The following CD22 variants were observed in gnomAD, a reference collection of about 807,000 sequenced individuals.
CD22 encodes the protein B-cell receptor CD22.
In CD22, 51 loss-of-function variants were observed where a neutral mutation model predicts 94.7. The ratio of observed to expected loss-of-function variants is 0.54; its 90% CI spans 0.43 to 0.68. The LOEUF (loss-of-function observed/expected upper bound fraction) is 0.68. Ranked by LOEUF, CD22 falls within the 30% of genes least tolerant of loss-of-function variation. The probability of loss-of-function intolerance (pLI) is 0.00; values close to 1 mark genes in which losing one functional copy is unlikely to be tolerated. For missense variants in CD22, 931 were observed against 1,060.4 expected, an observed-to-expected ratio of 0.88 and a Z score of 1.69; for synonymous variants, 424 against 422.5, an observed-to-expected ratio of 1.00 and a Z score of -0.04.
chr19:35,343,591 A>C (rs1190099196), intron 9 of CD22, among the ~76,000 whole-genome samples: 1 of 152,152 alleles, frequency 6.6e-6, no homozygotes, highest in Non-Finnish European at 1.5e-5. Context: ...AGAGTGTCTA[A>C]AGTCTGGAGG....
chr19:35,338,154 G>GC lies in CD22; in HGVS notation c.986-9dup, dbSNP rs1254828058. The GC allele has an allele frequency of 6.2e-7, 1 of 1,601,890 alleles. No homozygotes were observed. The highest frequency in any genetic ancestry group is 8.5e-7 in the Non-Finnish European group (1 of 1,172,814). ...TCTCCTCACCCCTCCACTCGCCTCT[G>GC]CCCCCTCTTCCAGATGCCCCGGAAC... is the stretch of plus-strand genomic sequence containing the variant. On this transcript the variant is annotated splice_polypyrimidine_tract_variant and intron_variant, in intron 5 of 13. Transcript: ENST00000085219.
rs916498405 is a variant in CD22, at chr19:35,346,660, C to G, written c.2507C>G (p.Ala836Gly). ...TTTGGGGTCGGGGAGCGGCCTCAGG[C>G]ACAAGAAAATGTGGACTATGTGATC... Reference protein sequence around the residue: ...IQFGVGERPQAQENVDYVILK... With the variant: ...IQFGVGERPQGQENVDYVILK... Residue 836 changes from alanine (A) to glycine (G), a missense_variant, in exon 14 of 14, where the codon GCA (alanine) becomes GGA (glycine). By Grantham distance (60) the Ala-to-Gly change is moderately conservative (BLOSUM62 0). Coordinates refer to ENST00000085219, the MANE Select transcript of CD22 (RefSeq NM_001771.4). The G allele has an allele frequency of 2.5e-6, 4 of 1,609,480 alleles. No homozygotes were observed. The highest frequency in any genetic ancestry group is 3.4e-6 in the Non-Finnish European group (4 of 1,177,940).
At chr19:35,346,304 G>A (rs2066906724) in intron 13 of CD22, 69 bp downstream of exon 13, 1 of 1,372,718 alleles carries the variant, frequency 7.3e-7, no homozygotes, top group South Asian at 1.2e-5. Context: ...TGGCCTCAGT[G>A]GTGGGTCCCA....
Position 35,341,012 on chromosome 19 carries a change from G to T in CD22, c.1381G>T (p.Ala461Ser). ...CCGGTATGAATGGAAACCCCATGGC[G>T]CCTGGGAGGAGCCATCGCTTGGGGT... ...VTRYEWKPHG[A>S]WEEPSLGVLK... The change falls in exon 7 of 14, where the codon GCC (alanine) becomes TCC (serine). Residue 461 changes from alanine to serine, a missense_variant. Transcript: ENST00000085219. The surrounding 1 kb of genome is among the most constrained non-coding windows in gnomAD (Gnocchi z 4.0). 6.2e-7 allele frequency: 1 copy of T among 1,614,184 alleles called. No homozygotes were observed.
At chr19:35,345,851 C>T (rs957931183) in intron 12 of CD22, 131 bp downstream of exon 12, 15 of 711,086 alleles carry the variant, frequency 2.1e-5, no homozygotes, top group African/African-American at 8.8e-5. Context: ...CATTCCCACT[C>T]GGCAACAAGC....
At chr19:35,331,713 G>A in intron 1 of CD22, 1 of 303,370 alleles carries the variant, frequency 3.3e-6, no homozygotes, top group Non-Finnish European at 6.3e-6. Context: ...GCCAGGCGTG[G>A]TGGCACCTGC....
Position 35,346,800 on chromosome 19 carries a change from G to GCACA in CD22, c.*117_*120dup. The GCACA allele has an allele frequency of 9.9e-6, 9 of 907,846 alleles. No homozygotes were observed. Among genetic ancestry groups the GCACA allele is most frequent in the East Asian group, 2.9e-5 (1 of 34,458 alleles). The allele number at this position is 907,846 out of a possible 1,614,324, so 56.2% of individuals were successfully genotyped here. ...ATGGCTTCCTCCTGCGCGCATGTGC[G>GCACA]CACACACACACACACACGCACACAC... On this transcript the variant is annotated 3_prime_UTR_variant, in exon 14 of 14. Transcript: ENST00000085219.
chr19:35,341,886 G>T lies in CD22; in HGVS notation c.1956G>T (p.Gln652His), dbSNP rs760942136. The change falls in exon 9 of 14, where the codon CAG (glutamine) becomes CAT (histidine). Residue 652 changes from glutamine to histidine, a missense_variant. Transcript: ENST00000085219. This position sits in a 1 kb window ranked among gnomAD's most constrained non-coding sequence, Gnocchi z 4.0. ...TGAGATTGGAGCCGGTGAAGGTCCA[G>T]CACTCGGGTGCCTACTGGTGCCAGG... is the stretch of plus-strand genomic sequence containing the variant. ...QKLRLEPVKV[Q>H]HSGAYWCQGT... 4 of 1,614,082 alleles carry T rather than the reference G, an allele frequency of 2.5e-6. No homozygotes were observed. In the South Asian group the frequency reaches 4.4e-5, roughly 18 times the overall value.
In CD22 at chr19:35,336,176, C is replaced by G. The variant is rs769362170; in HGVS notation, c.553C>G (p.Gln185Glu). The stretch of plus-strand genomic sequence containing the variant: ...GCTCCTAGAGGGGGTTCCAATGAGG[C>G]AGGCTGCTGTCACCTCGACCTCCTT... The part of the protein sequence containing the change: ...QWLLEGVPMR[Q>E]AAVTSTSLTI... Residue 185 changes from glutamine (Q) to glutamate (E), a missense_variant, in exon 4 of 14, where the codon CAG (glutamine) becomes GAG (glutamate). Gln to Glu is a conservative substitution (Grantham distance 29). Transcript: ENST00000085219. The G allele has an allele frequency of 5.6e-6, 9 of 1,614,102 alleles. No homozygotes were observed. Among genetic ancestry groups the G allele is most frequent in the Non-Finnish European group, 7.6e-6 (9 of 1,180,046 alleles).
intron 9 of CD22, among the ~76,000 whole-genome samples, chr19:35,344,239 C>T (rs1355953377): frequency 1.3e-5 from 2 of 152,200 alleles, no homozygotes; most frequent in Non-Finnish European, 2.9e-5. Flanking sequence ...CCAGCACGGC[C>T]GAAGGCCAAA....
rs941641975 is a variant in CD22, at chr19:35,346,821, C to T, written c.*124C>T. 3.9e-6 allele frequency: 3 copies of T among 763,184 alleles called. No homozygotes were observed. In the South Asian group the frequency reaches 5.7e-5, roughly 15 times the overall value. The allele number at this position is 763,184 out of a possible 1,614,324, so 47.3% of individuals were successfully genotyped here. A position where few individuals can be genotyped will look rare whatever the true frequency, so the allele number is the denominator to read the frequency against. The stretch of plus-strand genomic sequence containing the variant: ...GTGCGCACACACACACACACACGCA[C>T]ACACACACACACACACTCACTGCGG... On this transcript the variant is annotated 3_prime_UTR_variant, in exon 14 of 14. Coordinates refer to ENST00000085219, the MANE Select transcript of CD22 (RefSeq NM_001771.4).
chr19:35,332,476 A>T, intron 2 of CD22, 71 bp from the exon 3 acceptor site: 1 of 1,416,266 alleles, frequency 7.1e-7, no homozygotes, highest in Non-Finnish European at 9.4e-7. Context: ...AACAAATTTT[A>T]AAATAAAAAA....
chr19:35,332,259 G>C, intron 2 of CD22, 185 bp downstream of exon 2: 1 of 662,076 alleles, frequency 1.5e-6, no homozygotes, highest in Non-Finnish European at 2.6e-6. Flanking sequence ...ATTGCATCCT[G>C]CTGTCTTTGT....
At chr19:35,342,304 G>A (rs1392149686) in intron 9 of CD22, among the ~76,000 whole-genome samples, 3 of 151,844 alleles carry the variant, frequency 2.0e-5, no homozygotes, top group Non-Finnish European at 2.9e-5. Flanking sequence ...TGAGTAGCTG[G>A]GACTATAGAC....
At chr19:35,346,079 C>A in intron 12 of CD22, 72 bp from the exon 13 acceptor site, 1 of 1,175,884 alleles carries the variant, frequency 8.5e-7, no homozygotes, top group Non-Finnish European at 1.3e-6. Flanking sequence ...GTTGGGGGCT[C>A]TGGGTGTTGA....
At chr19:35,329,907 T>A (rs888691028) in intron 1 of CD22, 2 of 153,394 alleles carry the variant, frequency 1.3e-5, no homozygotes, top group African/African-American at 2.4e-5. Context: ...TTATGGAACA[T>A]GTAAAATAGA....
chr19:35,337,704 AC>A lies in CD22; in HGVS notation c.719-48del. ...AATAAAAGCACTTTCCACACCCTCC[AC>A]CCTCTGAGGATTCCCCGCCCCCTCC... On this transcript the variant is annotated intron_variant, in intron 4 of 13. Coordinates refer to ENST00000085219, the MANE Select transcript of CD22 (RefSeq NM_001771.4). This position sits in a 1 kb window ranked among gnomAD's most constrained non-coding sequence, Gnocchi z 4.4. 6.6e-7 allele frequency: 1 copy of A among 1,516,768 alleles called. No homozygotes were observed. Among genetic ancestry groups the A allele is most frequent in the East Asian group, 2.3e-5 (1 of 43,816 alleles). 94.0% of individuals were successfully genotyped at this position (1,516,768 alleles called of 1,614,324 possible).
chr19:35,337,608 A>C lies in CD22; in HGVS notation c.719-147A>C. ...AGAAGTAGAGGAAGTGGGAGGGGGAAGCTGAGAGCCGAGTTAGGAGGCTGT... is the reference window on the plus strand; with the variant it reads ...AGAAGTAGAGGAAGTGGGAGGGGGACGCTGAGAGCCGAGTTAGGAGGCTGT... On this transcript the variant is annotated intron_variant, in intron 4 of 13. Coordinates refer to ENST00000085219, the MANE Select transcript of CD22 (RefSeq NM_001771.4). This position sits in a 1 kb window ranked among gnomAD's most constrained non-coding sequence, Gnocchi z 4.4. 3.0e-6 allele frequency: 2 copies of C among 670,812 alleles called. No individual in the cohort carries two copies. Among genetic ancestry groups the C allele is most frequent in the East Asian group, 2.8e-5 (1 of 36,058 alleles). 41.6% of individuals were successfully genotyped at this position (670,812 alleles called of 1,614,324 possible).
chr19:35,333,219 T>G, intron 3 of CD22: 1 of 412,556 alleles, frequency 2.4e-6, no homozygotes, highest in Admixed American at 3.9e-5. Context: ...GACAAACTCG[T>G]GTTTGGCCTT....
Sources: gnomAD v4.1 joint callset for allele counts (sites outside exome capture counted in the v4.1 genomes callset) on GRCh38, gnomAD v4.1.1 for gene constraint, Gnocchi (gnomAD v3.1) non-coding constraint, MANE v1.5 for transcripts, NCBI Gene and HGNC (gene_info 2026-07-23, HGNC 2026-07-21) for gene names.